The following ADGRG6 variants were observed in gnomAD, a reference collection of about 807,000 sequenced individuals.
ADGRG6 encodes the protein G-protein coupled receptor 126.
ADGRG6 carries 84 observed loss-of-function variants against 142.4 expected under a neutral mutation model. That is an observed-to-expected ratio of 0.59 (90% CI 0.49 to 0.71). The LOEUF (loss-of-function observed/expected upper bound fraction) is 0.71. Among genes scored for constraint, ADGRG6 ranks in the 30% least tolerant of loss-of-function variants. ADGRG6 has a pLI of 0.00. For missense variants in ADGRG6, 1,367 were observed against 1,466.6 expected, an observed-to-expected ratio of 0.93 and a Z score of 1.11; for synonymous variants, 521 against 520.5, an observed-to-expected ratio of 1.00 and a Z score of -0.01.
At chr6:142,381,809 G>A in intron 4 of ADGRG6, 142 bp from the exon 5 acceptor site, 1 of 491,392 alleles carries the variant, frequency 2.0e-6, no homozygotes, top group Non-Finnish European at 3.6e-6. Context: ...AAGGCACAGT[G>A]GCCTTAAGAG....
At chr6:142,343,413 A>T (rs907365563) in intron 2 of ADGRG6, among the ~76,000 whole-genome samples, 8 of 151,770 alleles carry the variant, frequency 5.3e-5, no homozygotes, top group Non-Finnish European at 1.5e-5. Context: ...ATGAGTAGGG[A>T]TATCAATATC....
At chr6:142,391,547 T>TA (rs1338691505) in intron 7 of ADGRG6, among the ~76,000 whole-genome samples, 17 of 151,252 alleles carry the variant, frequency 1.1e-4, no homozygotes, top group African/African-American at 3.9e-4. Flanking sequence ...CAGTACTCTT[T>TA]AAAAAAAAGT....
At chr6:142,386,837 G>A (rs2114953455) in intron 6 of ADGRG6, among the ~76,000 whole-genome samples, 1 of 152,128 alleles carries the variant, frequency 6.6e-6, no homozygotes, top group South Asian at 2.1e-4. Context: ...CCCATGGCAG[G>A]GCACACTCAC....
chr6:142,389,838 A>G (rs563781049), intron 6 of ADGRG6, among the ~76,000 whole-genome samples: 1 of 151,976 alleles, frequency 6.6e-6, no homozygotes, highest in Non-Finnish European at 1.5e-5. Context: ...TAATTCCTCC[A>G]TATGATCTCA....
At chr6:142,390,968 GTTTT>G (rs1251400924) in intron 7 of ADGRG6, among the ~76,000 whole-genome samples, 2 of 151,172 alleles carry the variant, frequency 1.3e-5, no homozygotes, top group Non-Finnish European at 3.0e-5. Context: ...AGAACTACAT[GTTTT>G]TTTTGTTTTG....
In ADGRG6 at chr6:142,445,655, G is replaced by A. The variant is rs1777942607; in HGVS notation, c.*2140G>A. 1 of 152,122 alleles carries A rather than the reference G, an allele frequency of 6.6e-6. No individual in the cohort carries two copies. The highest frequency in any genetic ancestry group is 6.6e-5 in the Admixed American group (1 of 15,254). 9.4% of individuals were successfully genotyped at this position (152,122 alleles called of 1,614,324 possible). A position where few individuals can be genotyped will look rare whatever the true frequency, so the allele number is the denominator to read the frequency against. On this transcript the variant is annotated 3_prime_UTR_variant, in exon 25 of 25. Coordinates refer to ENST00000367609, the MANE Select transcript of ADGRG6 (RefSeq NM_198569.3). ...AAAAAAATTAAGAAATTGCTCAAGG[G>A]AAACATTTGTAAATGGATTTGAAAG...
intron 2 of ADGRG6, among the ~76,000 whole-genome samples, chr6:142,362,274 G>T (rs1347978503): frequency 2.6e-5 from 4 of 152,148 alleles, no homozygotes; most frequent in African/African-American, 9.7e-5. Flanking sequence ...TTGAACTCAT[G>T]CTTAAGTCGT....
At chr6:142,360,844 G>A (rs1780676812) in intron 2 of ADGRG6, among the ~76,000 whole-genome samples, 1 of 152,162 alleles carries the variant, frequency 6.6e-6, no homozygotes, top group Non-Finnish European at 1.5e-5. Flanking sequence ...TTTTAGTAGA[G>A]ATGGGGTTTC....
At position 142,367,678 on chromosome 6, in the gene ADGRG6, C is replaced by T. The variant is rs2114852038; in HGVS notation, c.213C>T (p.Leu71=). The change falls in exon 3 of 25, where the codon CTC becomes CTT. Residue 71 remains leucine, a synonymous_variant. Coordinates refer to ENST00000367609, the MANE Select transcript of ADGRG6 (RefSeq NM_198569.3). ...ACAGCCAGGCTTGCATGTGGACGCT[C>T]CGAGCCCCCACCGGTTATATCATTC... ...YPNSQACMWT[L]RAPTGYIIQI... 6.2e-7 allele frequency: 1 copy of T among 1,613,606 alleles called. No individual in the cohort carries two copies. Among genetic ancestry groups the T allele is most frequent in the East Asian group, 2.2e-5 (1 of 44,870 alleles).
At chr6:142,405,897 C>A in intron 15 of ADGRG6, 69 bp downstream of exon 15, 1 of 1,140,340 alleles carries the variant, frequency 8.8e-7, no homozygotes, top group Non-Finnish European at 1.2e-6. Flanking sequence ...GAAAACAAAA[C>A]TTTAGATTCT....
chr6:142,429,598 A>G (rs533588518), intron 22 of ADGRG6, among the ~76,000 whole-genome samples: 1 of 152,186 alleles, frequency 6.6e-6, no homozygotes, highest in African/African-American at 2.4e-5. Context: ...CTGTGTGACA[A>G]CTGAAAACAG....
chr6:142,319,207 TG>T (rs368654150), intron 2 of ADGRG6, among the ~76,000 whole-genome samples: 6 of 152,182 alleles, frequency 3.9e-5, no homozygotes, highest in African/African-American at 1.4e-4. Context: ...GTGCCCTGGA[TG>T]CCTTCTGCTT....
At chr6:142,326,374 T>C (rs970959997) in intron 2 of ADGRG6, among the ~76,000 whole-genome samples, 1 of 152,002 alleles carries the variant, frequency 6.6e-6, no homozygotes, top group African/African-American at 2.4e-5. Context: ...TTCTGCAAAA[T>C]TGTGAATTTT....
chr6:142,397,009 G>A (rs1159129624), intron 9 of ADGRG6, among the ~76,000 whole-genome samples: 1 of 152,004 alleles, frequency 6.6e-6, no homozygotes, highest in African/African-American at 2.4e-5. Context: ...GTAATATGCT[G>A]ACCAATCACA....
intron 2 of ADGRG6, among the ~76,000 whole-genome samples, chr6:142,327,786 A>G (rs1404795090): frequency 6.6e-6 from 1 of 152,126 alleles, no homozygotes; most frequent in African/African-American, 2.4e-5. Flanking sequence ...ACTCATTGTA[A>G]TGATCAGTAA....
intron 22 of ADGRG6, among the ~76,000 whole-genome samples, chr6:142,429,302 T>A (rs1777099540): frequency 6.6e-6 from 1 of 152,204 alleles, no homozygotes; most frequent in Non-Finnish European, 1.5e-5. Flanking sequence ...AGGAGCCTCA[T>A]GAAAGTTGAG....
At chr6:142,409,946 A>T in intron 17 of ADGRG6, 27 bp downstream of exon 17, 1 of 1,112,722 alleles carries the variant, frequency 9.0e-7, no homozygotes, top group East Asian at 2.5e-5. Context: ...TGGTTGTCTT[A>T]ATATAGATAA....
chr6:142,338,887 A>C (rs1254288113), intron 2 of ADGRG6, among the ~76,000 whole-genome samples: 1 of 152,216 alleles, frequency 6.6e-6, no homozygotes. Context: ...ACCAAAATGT[A>C]AATTGACTTT....
At chr6:142,359,637 T>C (rs1780622122) in intron 2 of ADGRG6, among the ~76,000 whole-genome samples, 1 of 152,244 alleles carries the variant, frequency 6.6e-6, no homozygotes, top group Non-Finnish European at 1.5e-5. Context: ...AATTATCACA[T>C]TGTATGATCA....
Sources: allele counts gnomAD v4.1 joint callset (sites outside exome capture counted in the v4.1 genomes callset), GRCh38; gene constraint gnomAD v4.1.1; transcripts MANE v1.5; gene names NCBI Gene and HGNC (gene_info 2026-07-23, HGNC 2026-07-21).